Variants in DNAJC17 observed in about 807,000 individuals in gnomAD.
The protein encoded by DNAJC17 is DnaJ heat shock protein family (Hsp40) member C17.
In DNAJC17, 35 loss-of-function variants were observed where a neutral mutation model predicts 48.1. That is an observed-to-expected ratio of 0.73 (90% CI 0.56 to 0.96). The LOEUF is 0.96. Ranked by LOEUF, DNAJC17 falls within the 50% of genes least tolerant of loss-of-function variation. The pLI is 0.00. For synonymous variants in DNAJC17, 117 were observed against 142.7 expected (o/e 0.82, Z 1.28); for missense variants, 355 against 377.1 (o/e 0.94, Z 0.48).
In DNAJC17 at chr15:40,766,106, C is replaced by T. The variant is rs538137516; in HGVS notation, c.*1834G>A. 13 of 430,826 alleles carry T rather than the reference C, an allele frequency of 3.0e-5. No individual in the cohort carries two copies. The highest frequency in any genetic ancestry group is 7.8e-4 in the Middle Eastern group (2 of 2,550). The allele number at this position is 430,826 out of a possible 1,614,324, so 26.7% of individuals were successfully genotyped here. A position where few individuals can be genotyped will look rare whatever the true frequency, so the allele number is the denominator to read the frequency against. On this transcript the variant is annotated 3_prime_UTR_variant, in exon 11 of 11. Coordinates refer to ENST00000220496, the MANE Select transcript of DNAJC17 (RefSeq NM_018163.3). ...CCTCTCCAACATCCCCCCTCTCCCC[C>T]ACGAGGCTTGCTCTGAAAGCTTTCC...
chr15:40,770,873 G>A lies in DNAJC17; in HGVS notation c.793-2811C>T, dbSNP rs979645873. 3 of 1,551,564 alleles carry A rather than the reference G, an allele frequency of 1.9e-6. No homozygotes were observed. Among genetic ancestry groups the A allele is most frequent in the East Asian group, 2.4e-5 (1 of 40,926 alleles). ...GTGCCCTCCACCAGCACTCAGAGAA[G>A]GGCCTTGTGGACACTCCCTGCTTCC... On this transcript the variant is annotated intron_variant, in intron 10 of 10. Coordinates refer to ENST00000220496, the MANE Select transcript of DNAJC17 (RefSeq NM_018163.3). This position sits in a 1 kb window ranked among gnomAD's most constrained non-coding sequence, Gnocchi z 5.0.
chr15:40,765,831 T>TAA lies in DNAJC17; in HGVS notation c.*2108_*2109insTT. ...CCACTGTGGCTTACCTTGCAGGAGG[T>TAA]GGGCCCCACTATGGTGGGCGATGAA... is the stretch of plus-strand genomic sequence containing the variant. On this transcript the variant is annotated 3_prime_UTR_variant, in exon 11 of 11. Transcript: ENST00000220496. The TAA allele has an allele frequency of 6.5e-7, 1 of 1,546,352 alleles. No individual in the cohort carries two copies. The highest frequency in any genetic ancestry group is 8.8e-7 in the Non-Finnish European group (1 of 1,133,992).
chr15:40,778,239 A>G (rs1265438883), intron 4 of DNAJC17, among the ~76,000 whole-genome samples: 2 of 151,740 alleles, frequency 1.3e-5, no homozygotes, highest in South Asian at 2.1e-4. Flanking sequence ...TGGTGAATAC[A>G]AGCACCAATT....
chr15:40,795,853 C>T (rs1889930287), intron 1 of DNAJC17, among the ~76,000 whole-genome samples: 1 of 152,194 alleles, frequency 6.6e-6, no homozygotes, highest in Non-Finnish European at 1.5e-5. Context: ...GATCGTGCCA[C>T]TGCACTCCAG....
intron 1 of DNAJC17, among the ~76,000 whole-genome samples, chr15:40,805,625 G>A (rs1204866476): frequency 6.6e-6 from 1 of 150,602 alleles, no homozygotes; most frequent in Admixed American, 6.7e-5. Context: ...GGCAGATCAC[G>A]AGGTCAGGAG....
At chr15:40,785,779 A>G (rs910506979) in intron 1 of DNAJC17, among the ~76,000 whole-genome samples, 7 of 152,238 alleles carry the variant, frequency 4.6e-5, no homozygotes, top group African/African-American at 1.7e-4. Flanking sequence ...GTTCACTCCC[A>G]GGGTCTCTGA....
chr15:40,797,634 A>G (rs1325087122), intron 1 of DNAJC17, among the ~76,000 whole-genome samples: 2 of 145,722 alleles, frequency 1.4e-5, no homozygotes, highest in Non-Finnish European at 3.0e-5. Context: ...CTGGTCTTGA[A>G]CTCCTGACCT....
chr15:40,802,778 C>A (rs1173258150), intron 1 of DNAJC17, among the ~76,000 whole-genome samples: 1 of 152,078 alleles, frequency 6.6e-6, no homozygotes, highest in African/African-American at 2.4e-5. Flanking sequence ...AGCTTGGCCT[C>A]CATTAGGGCT....
At chr15:40,796,949 T>C (rs970824562) in intron 1 of DNAJC17, among the ~76,000 whole-genome samples, 9 of 152,128 alleles carry the variant, frequency 5.9e-5, no homozygotes, top group Non-Finnish European at 1.2e-4. Flanking sequence ...TTTTCCTTTG[T>C]AGAGACAGGG....
chr15:40,776,259 G>C lies in DNAJC17; in HGVS notation c.415C>G (p.Leu139Val). 1 of 1,614,146 alleles carries C rather than the reference G, an allele frequency of 6.2e-7. No individual in the cohort carries two copies. Among genetic ancestry groups the C allele is most frequent in the African/African-American group, 1.3e-5 (1 of 75,024 alleles). Reference protein sequence around the residue: ...ERLREEGSRQLEEQQRLIREQ... With the variant: ...ERLREEGSRQVEEQQRLIREQ... Reference sequence around the variant, plus strand: ...CGGATGAGCCTCTGCTGTTCCTCCAGCTGCCGGGAACCCTCTTCTCTCAGG... The same window carrying C: ...CGGATGAGCCTCTGCTGTTCCTCCACCTGCCGGGAACCCTCTTCTCTCAGG... The change falls in exon 6 of 11, where the codon CTG becomes GTG. Residue 139 changes from leucine (L) to valine (V), a missense_variant. Around this residue, in one of 3 missense-constraint regions of DNAJC17, gnomAD observed 199 missense variants for 199.9 expected, o/e 1.00. Transcript: ENST00000220496.
In DNAJC17 at chr15:40,776,312, G is replaced by C; in HGVS notation, c.382-20C>G. 6.2e-7 allele frequency: 1 copy of C among 1,611,096 alleles called. No individual in the cohort carries two copies. Among genetic ancestry groups the C allele is most frequent in the South Asian group, 1.1e-5 (1 of 90,728 alleles). The stretch of plus-strand genomic sequence containing the variant: ...TTCGATCTGCAGAGCAGGGGGTGGG[G>C]GTGACAATTCTGTGCAGGTCCAATT... On this transcript the variant is annotated intron_variant, in intron 5 of 10. Coordinates refer to ENST00000220496, the MANE Select transcript of DNAJC17 (RefSeq NM_018163.3).
In DNAJC17 at chr15:40,776,628, C is replaced by A; in HGVS notation, c.296-1G>T. 1 of 1,613,894 alleles carries A rather than the reference C, an allele frequency of 6.2e-7. No individual in the cohort carries two copies. The highest frequency in any genetic ancestry group is 1.1e-5 in the South Asian group (1 of 91,064). ...GCCTGCCGCTCCCGGGCCTCCAGGT[C>A]TAGACACAAGGGTTGAATGACCAGA... On this transcript the variant is annotated splice_acceptor_variant, in intron 4 of 10. Coordinates refer to ENST00000220496, the MANE Select transcript of DNAJC17 (RefSeq NM_018163.3). LOFTEE classifies it high-confidence loss of function.
rs751507060 is a variant in DNAJC17, at chr15:40,770,782, T to C, written c.793-2720A>G. On this transcript the variant is annotated intron_variant, in intron 10 of 10. Coordinates refer to ENST00000220496, the MANE Select transcript of DNAJC17 (RefSeq NM_018163.3). The surrounding 1 kb of genome is among the most constrained non-coding windows in gnomAD (Gnocchi z 5.0). ...GAGAGCTCAAGCTGCCCCAACATCC[T>C]GGAGCCCCCACCTGCCTACACAGCA... 6 of 1,547,040 alleles carry C rather than the reference T, an allele frequency of 3.9e-6. No individual in the cohort carries two copies. Among genetic ancestry groups the C allele is most frequent in the Non-Finnish European group, 4.4e-6 (5 of 1,146,750 alleles).
chr15:40,785,112 A>AAAC (rs146624849), intron 1 of DNAJC17, among the ~76,000 whole-genome samples: 49 of 152,118 alleles, frequency 3.2e-4, no homozygotes, highest in Non-Finnish European at 6.0e-4. Context: ...AACAACAACA[A>AAAC]AACAACAACA....
chr15:40,795,376 G>C (rs1012895847), intron 1 of DNAJC17, among the ~76,000 whole-genome samples: 2 of 152,166 alleles, frequency 1.3e-5, no homozygotes, highest in African/African-American at 4.8e-5. Context: ...ATGGGCCCCA[G>C]GAGCAAGAGA....
chr15:40,765,970 T>G lies in DNAJC17; in HGVS notation c.*1970A>C. 1.0e-6 allele frequency: 1 copy of G among 953,266 alleles called. No homozygotes were observed. Among genetic ancestry groups the G allele is most frequent in the Non-Finnish European group, 1.6e-6 (1 of 622,726 alleles). The allele number at this position is 953,266 out of a possible 1,614,324, so 59.1% of individuals were successfully genotyped here. The stretch of plus-strand genomic sequence containing the variant: ...TCCTCTCCCTGCCAGCCCCTAGACC[T>G]GCCTCTGCTCCCTTTATACAACCTC... On this transcript the variant is annotated 3_prime_UTR_variant, in exon 11 of 11. Coordinates refer to ENST00000220496, the MANE Select transcript of DNAJC17 (RefSeq NM_018163.3).
At chr15:40,805,747 C>T (rs900188877) in intron 1 of DNAJC17, among the ~76,000 whole-genome samples, 8 of 151,360 alleles carry the variant, frequency 5.3e-5, no homozygotes, top group Non-Finnish European at 7.4e-5. Flanking sequence ...AGGAGAATGG[C>T]GTGAACCCGA....
At chr15:40,768,766 G>C (rs567768230) in intron 10 of DNAJC17, among the ~76,000 whole-genome samples, 17 of 152,370 alleles carry the variant, frequency 1.1e-4, no homozygotes, top group African/African-American at 3.6e-4. Context: ...CCCACGCCCT[G>C]ATAAGGTCTG....
At chr15:40,779,727 G>T in intron 2 of DNAJC17, 124 bp from the exon 3 acceptor site, 2 of 1,210,894 alleles carry the variant, frequency 1.7e-6, no homozygotes, top group Non-Finnish European at 2.3e-6. Context: ...GACATCAGCA[G>T]ATGACAGACC....
Sources: gnomAD v4.1 joint callset for allele counts (sites outside exome capture counted in the v4.1 genomes callset) on GRCh38, gnomAD v4.1.1 for gene constraint, gnomAD v4.1.1 regional missense constraint, Gnocchi (gnomAD v3.1) non-coding constraint, MANE v1.5 for transcripts, NCBI Gene and HGNC (gene_info 2026-07-23, HGNC 2026-07-21) for gene names.